Variants in PATJ observed in about 807,000 individuals in gnomAD.
The protein encoded by PATJ is PATJ crumbs cell polarity complex component, also known as inaD-like protein.
PATJ carries 190 observed loss-of-function variants against 224.9 expected under a neutral mutation model. That is an observed-to-expected ratio of 0.84 (90% CI 0.75 to 0.95). The LOEUF is 0.95. Ranked by LOEUF, PATJ falls within the 40% of genes least tolerant of loss-of-function variation. The pLI, the probability that PATJ is intolerant of heterozygous loss-of-function variation, is 0.00. For synonymous variants in PATJ, 769 were observed against 820.3 expected (o/e 0.94, Z 1.07); for missense variants, 2,121 against 2,270.3 (o/e 0.93, Z 1.34).
intron 27 of PATJ, among the ~76,000 whole-genome samples, chr1:61,961,362 A>G (rs10889279): frequency 0.43 from 64,759 of 151,880 alleles, 14,926 homozygotes; most frequent in East Asian, 0.81. Context: ...GACCAGTCCT[A>G]CCCAAGGCAC....
At chr1:62,124,302 C>T (rs909911093) in intron 39 of PATJ, among the ~76,000 whole-genome samples, 5 of 152,086 alleles carry the variant, frequency 3.3e-5, no homozygotes, top group African/African-American at 1.2e-4. Context: ...TGGCTGGTCT[C>T]GAACTCCTGC....
intron 28 of PATJ, among the ~76,000 whole-genome samples, chr1:62,007,829 G>C (rs890280131): frequency 2.6e-5 from 4 of 152,152 alleles, no homozygotes; most frequent in Non-Finnish European, 5.9e-5. Flanking sequence ...TCCTCTATGA[G>C]GGCTCCATCC....
At chr1:62,076,287 T>A (rs1370559133) in intron 31 of PATJ, among the ~76,000 whole-genome samples, 4 of 152,140 alleles carry the variant, frequency 2.6e-5, no homozygotes, top group African/African-American at 7.2e-5. Flanking sequence ...GATGCTAATT[T>A]ATTTTGCCTG....
chr1:62,130,915 G>T (rs185886249), intron 41 of PATJ, among the ~76,000 whole-genome samples: 1 of 152,276 alleles, frequency 6.6e-6, no homozygotes, highest in East Asian at 1.9e-4. Context: ...CATCTCTGTG[G>T]TGTAAGTCCA....
chr1:61,842,511 G>A (rs1661264387), intron 17 of PATJ, among the ~76,000 whole-genome samples: 1 of 152,118 alleles, frequency 6.6e-6, no homozygotes, highest in South Asian at 2.1e-4. Context: ...TTGTTGAGGA[G>A]GAGAGGATCC....
At chr1:61,877,760 C>T (rs993281511) in intron 21 of PATJ, among the ~76,000 whole-genome samples, 4 of 152,130 alleles carry the variant, frequency 2.6e-5, no homozygotes, top group Admixed American at 6.6e-5. Flanking sequence ...ACCCAGTCTC[C>T]GGTAGTTCTT....
intron 1 of PATJ, among the ~76,000 whole-genome samples, chr1:61,757,080 C>CTTTTTTTTTTT (rs55788991): frequency 1.5e-5 from 2 of 129,194 alleles, no homozygotes; most frequent in Admixed American, 8.5e-5. Context: ...GTCACTTTTA[C>CTTTTTTTTTTT]TTTTTTTTTT....
intron 1 of PATJ, among the ~76,000 whole-genome samples, chr1:61,759,627 C>T (rs1184472677): frequency 6.6e-6 from 1 of 152,180 alleles, no homozygotes; most frequent in African/African-American, 2.4e-5. Flanking sequence ...AGGCTGGTCT[C>T]GAGCTCCTGA....
At chr1:61,753,036 A>G (rs1191957438) in intron 1 of PATJ, among the ~76,000 whole-genome samples, 1 of 152,138 alleles carries the variant, frequency 6.6e-6, no homozygotes, top group Non-Finnish European at 1.5e-5. Flanking sequence ...TTTAATCAGT[A>G]CCTCATAAAT....
intron 14 of PATJ, among the ~76,000 whole-genome samples, chr1:61,820,044 T>A (rs2811324): frequency 0.87 from 131,746 of 152,128 alleles, 57,196 homozygotes; most frequent in Admixed American, 0.91. Flanking sequence ...TTAATTAATT[T>A]ATTTATTTAT....
intron 6 of PATJ, among the ~76,000 whole-genome samples, 164 bp downstream of exon 6, chr1:61,771,790 G>A (rs1646627000): frequency 1.3e-5 from 2 of 151,750 alleles, no homozygotes; most frequent in African/African-American, 4.8e-5. Flanking sequence ...CCAGATCTTG[G>A]CTCACTGCAA....
intron 29 of PATJ, among the ~76,000 whole-genome samples, chr1:62,024,560 A>G (rs561470105): frequency 1.3e-5 from 2 of 152,080 alleles, no homozygotes; most frequent in South Asian, 4.1e-4. Flanking sequence ...CAGGGATGAC[A>G]TGAGCTTGCT....
intron 5 of PATJ, among the ~76,000 whole-genome samples, chr1:61,770,098 A>C (rs1338326459): frequency 6.6e-6 from 1 of 152,224 alleles, no homozygotes; most frequent in Non-Finnish European, 1.5e-5. Flanking sequence ...GTATATTATT[A>C]TAAAATTCTT....
intron 24 of PATJ, among the ~76,000 whole-genome samples, chr1:61,901,830 G>A (rs1430075199): frequency 6.6e-6 from 1 of 152,126 alleles, no homozygotes; most frequent in African/African-American, 2.4e-5. Context: ...TATTATGCTT[G>A]TTTAGAGAAA....
Position 61,864,644 on chromosome 1 carries a change from A to G in PATJ, c.2835+11A>G, listed in dbSNP as rs1361112627. ...TGCCCTGAAAATGTGGTAAGAGATTAGAATAGATATTCCACACCTCCCCTT... is the reference window on the plus strand; with the variant it reads ...TGCCCTGAAAATGTGGTAAGAGATTGGAATAGATATTCCACACCTCCCCTT... On this transcript the variant is annotated intron_variant, in intron 20 of 43. Coordinates refer to ENST00000642238, the MANE Select transcript of PATJ (RefSeq NM_001350145.3). The G allele has an allele frequency of 6.4e-7, 1 of 1,574,534 alleles. No individual in the cohort carries two copies. The highest frequency in any genetic ancestry group is 1.1e-5 in the South Asian group (1 of 89,172).
intron 14 of PATJ, among the ~76,000 whole-genome samples, chr1:61,813,724 G>A (rs1007249576): frequency 6.6e-6 from 1 of 152,102 alleles, no homozygotes; most frequent in Non-Finnish European, 1.5e-5. Flanking sequence ...AAATTCAGGA[G>A]TGGGGGTTTA....
chr1:61,908,189 T>C (rs1322694719), intron 24 of PATJ, among the ~76,000 whole-genome samples, 183 bp from the exon 25 acceptor site: 3 of 152,238 alleles, frequency 2.0e-5, no homozygotes, highest in African/African-American at 2.4e-5. Context: ...GAAATGTTAC[T>C]TTCCTTGAAC....
intron 4 of PATJ, among the ~76,000 whole-genome samples, chr1:61,767,485 G>A (rs1646347835): frequency 6.6e-6 from 1 of 152,076 alleles, no homozygotes; most frequent in Non-Finnish European, 1.5e-5. Context: ...GCTGTAGTGA[G>A]CTATGATCGT....
In PATJ at chr1:61,762,912, C is replaced by A; in HGVS notation, c.20C>A (p.Thr7Lys). Residue 7 changes from threonine to lysine, a missense_variant and splice_region_variant, in exon 2 of 44, where the codon ACA becomes AAA. Thr to Lys is a moderately conservative substitution (Grantham distance 78, BLOSUM62 -1). Coordinates refer to ENST00000642238, the MANE Select transcript of PATJ (RefSeq NM_001350145.3). ...TTCAAAATGCCTGAAAATCCTGCTA[C>A]AGGTATACTGGATATATTGTTCTAT... MPENPA[T>K]DKLQVLQVLD... The A allele has an allele frequency of 6.5e-7, 1 of 1,546,472 alleles. No homozygotes were observed. The highest frequency in any genetic ancestry group is 8.8e-7 in the Non-Finnish European group (1 of 1,132,640).
Sources: allele counts gnomAD v4.1 joint callset (sites outside exome capture counted in the v4.1 genomes callset), GRCh38; gene constraint gnomAD v4.1.1; transcripts MANE v1.5; gene names NCBI Gene and HGNC (gene_info 2026-07-23, HGNC 2026-07-21).